Variants in MYO10 observed in about 807,000 individuals in gnomAD.
MYO10 encodes unconventional myosin-X.
A neutral mutation model predicts 257.3 loss-of-function variants in MYO10; 133 were observed. The observed-to-expected ratio is 0.52, with a 90% CI of 0.45 to 0.60. The LOEUF is 0.60. Among genes scored for constraint, MYO10 ranks in the 20% least tolerant of loss-of-function variants. MYO10 has a pLI of 0.00. For missense variants in MYO10, 2,399 were observed against 2,635.7 expected, an observed-to-expected ratio of 0.91 and a Z score of 1.97; for synonymous variants, 1,104 against 1,028.6, an observed-to-expected ratio of 1.07 and a Z score of -1.40.
At chr5:16,853,368 C>A (rs1323447782) in intron 2 of MYO10, among the ~76,000 whole-genome samples, 2 of 144,254 alleles carry the variant, frequency 1.4e-5, no homozygotes, top group African/African-American at 2.5e-5. Context: ...AGTGAGACTC[C>A]GTCTCAAAAA....
At chr5:16,779,243 G>T (rs56317467) in intron 9 of MYO10, among the ~76,000 whole-genome samples, 11 of 152,222 alleles carry the variant, frequency 7.2e-5, no homozygotes, top group South Asian at 6.2e-4. Context: ...GATTTGGGGG[G>T]TTTTTTGGGG....
Position 16,768,018 on chromosome 5 carries a change from C to T in MYO10, c.1060+1056G>A, listed in dbSNP as rs116167232. ...TTAATGTGGTAAACATCAACAGATA[C>T]AACCCACATAAACAAAAGCTCTCGG... On this transcript the variant is annotated intron_variant, in intron 10 of 40. Transcript: ENST00000513610. 4.2e-3 allele frequency among the ~76,000 whole-genome samples: 637 copies of T among 152,050 alleles called. 8 individuals carry two copies. Among genetic ancestry groups the T allele is most frequent in the African/African-American group, 0.015 (623 of 41,482 alleles).
chr5:16,745,331 ACTCCAT>A (rs1280363250), intron 19 of MYO10, among the ~76,000 whole-genome samples: 4 of 151,894 alleles, frequency 2.6e-5, no homozygotes, highest in Non-Finnish European at 5.9e-5. Context: ...CAAAAGCGAG[ACTCCAT>A]CTCAAAACAA....
chr5:16,899,351 G>A (rs1446404192), intron 1 of MYO10, among the ~76,000 whole-genome samples: 2 of 151,966 alleles, frequency 1.3e-5, no homozygotes, highest in Non-Finnish European at 2.9e-5. Flanking sequence ...ATAAAAGAAT[G>A]TGGCTGGGCG....
intron 33 of MYO10, among the ~76,000 whole-genome samples, chr5:16,677,012 T>C (rs140815355): frequency 6.6e-6 from 1 of 152,280 alleles, no homozygotes. Context: ...CACACATTAA[T>C]ATATTCTTGG....
At chr5:16,817,927 G>T in intron 3 of MYO10, 82 bp downstream of exon 3, 1 of 1,149,272 alleles carries the variant, frequency 8.7e-7, no homozygotes, top group Non-Finnish European at 1.1e-6. Context: ...TTCTCAAAAG[G>T]CAAGAAATAC....
chr5:16,904,291 ACCTTTGTGATAT>A (rs1357504743), intron 1 of MYO10, among the ~76,000 whole-genome samples: 1 of 152,048 alleles, frequency 6.6e-6, no homozygotes, highest in Non-Finnish European at 1.5e-5. Context: ...AGTCTGGGTA[ACCTTTGTGATAT>A]CCTTTACCAC....
In MYO10 at chr5:16,675,013, G is replaced by T; in HGVS notation, c.4804C>A (p.Leu1602Met). The change falls in exon 35 of 41, where the codon CTG (leucine) becomes ATG (methionine). Residue 1602 changes from leucine (L) to methionine (M), a missense_variant. By Grantham distance (15) the Leu-to-Met change is conservative. This residue lies in a region of MYO10 where 1,820 missense variants were observed against 1,939.4 expected (regional missense o/e 0.94). Transcript: ENST00000513610. ...AGCTGGCAGTACAGCTCGTCCCGCA[G>T]AGGTCGCAGGTCATGCCCTGTCTGT... ...ILQTGHDLRP[L>M]RDELYCQLIK... The T allele has an allele frequency of 6.2e-7, 1 of 1,614,016 alleles. No individual in the cohort carries two copies. Among genetic ancestry groups the T allele is most frequent in the South Asian group, 1.1e-5 (1 of 91,088 alleles).
intron 11 of MYO10, 43 bp downstream of exon 11, chr5:16,766,037 G>A (rs374327944): frequency 3.5e-6 from 5 of 1,419,184 alleles, no homozygotes; most frequent in Non-Finnish European, 3.0e-6. Context: ...TGAAAACCCA[G>A]GAGTGTCTAG....
At chr5:16,911,171 C>A (rs1472473814) in intron 1 of MYO10, among the ~76,000 whole-genome samples, 1 of 152,104 alleles carries the variant, frequency 6.6e-6, no homozygotes, top group East Asian at 1.9e-4. Flanking sequence ...AAAAGACTAA[C>A]AGAGATCTAT....
At chr5:16,790,614 T>C (rs1260396917) in intron 4 of MYO10, among the ~76,000 whole-genome samples, 1 of 152,176 alleles carries the variant, frequency 6.6e-6, no homozygotes, top group East Asian at 1.9e-4. Flanking sequence ...CTTCCATCCA[T>C]GTAAGACGTG....
chr5:16,727,733 T>C (rs544299884), intron 19 of MYO10, among the ~76,000 whole-genome samples: 1 of 152,306 alleles, frequency 6.6e-6, no homozygotes, highest in East Asian at 1.9e-4. Context: ...ATTTTTGTTT[T>C]TTAAAACAAA....
At chr5:16,834,990 A>G (rs1374797883) in intron 2 of MYO10, among the ~76,000 whole-genome samples, 2 of 151,822 alleles carry the variant, frequency 1.3e-5, no homozygotes, top group African/African-American at 4.8e-5. Flanking sequence ...CCTGGACAAC[A>G]TGGTGAAACC....
At chr5:16,823,227 T>C (rs976575511) in intron 2 of MYO10, among the ~76,000 whole-genome samples, 4 of 149,808 alleles carry the variant, frequency 2.7e-5, no homozygotes, top group Admixed American at 6.7e-5. Flanking sequence ...AGCAGATCAC[T>C]TGAGGCCAGG....
intron 40 of MYO10, among the ~76,000 whole-genome samples, 153 bp from the exon 41 acceptor site, chr5:16,666,946 C>T (rs1253005855): frequency 6.6e-6 from 1 of 152,210 alleles, no homozygotes; most frequent in Non-Finnish European, 1.5e-5. Flanking sequence ...AGTTTAACCA[C>T]TTTCACCTTC....
intron 2 of MYO10, among the ~76,000 whole-genome samples, chr5:16,844,937 TACACACACAC>T (rs758225533): frequency 6.9e-6 from 1 of 144,988 alleles, no homozygotes; most frequent in African/African-American, 2.5e-5. Context: ...TAATTCCAGA[TACACACACAC>T]ACACACGCAC....
intron 31 of MYO10, 89 bp downstream of exon 31, chr5:16,681,782 C>G: frequency 1.4e-6 from 2 of 1,431,598 alleles, no homozygotes; most frequent in South Asian, 2.8e-5. Flanking sequence ...CTGGGAAAAG[C>G]AGCTCGAAAT....
intron 1 of MYO10, among the ~76,000 whole-genome samples, chr5:16,913,123 C>A (rs1745713543): frequency 6.6e-6 from 1 of 152,040 alleles, no homozygotes. Flanking sequence ...ATTTCTTTCT[C>A]CCCAGTTATA....
At position 16,703,151 on chromosome 5, in the gene MYO10, A is replaced by G; in HGVS notation, c.2284T>C (p.Tyr762His). ...HVLGFLARKQ[Y>H]RKVLYCVVII... ...ACCACACAATAAAGGACCTTTCTGT[A>G]TTGTTTTCTGAAAATGAAAGAAAAC... Residue 762 changes from tyrosine (Y) to histidine (H), a missense_variant, in exon 23 of 41, where the codon TAC becomes CAC. Coordinates refer to ENST00000513610, the MANE Select transcript of MYO10 (RefSeq NM_012334.3). 6.3e-7 allele frequency: 1 copy of G among 1,591,916 alleles called. No homozygotes were observed. Among genetic ancestry groups the G allele is most frequent in the Non-Finnish European group, 8.6e-7 (1 of 1,168,026 alleles).
Sources: allele counts gnomAD v4.1 joint callset (sites outside exome capture counted in the v4.1 genomes callset), GRCh38; gene constraint gnomAD v4.1.1; regional missense constraint gnomAD v4.1.1; transcripts MANE v1.5; gene names NCBI Gene and HGNC (gene_info 2026-07-23, HGNC 2026-07-21).